RBFOX3: variants seen among roughly 807,000 people sequenced by gnomAD.
The protein encoded by RBFOX3 is RNA binding fox-1 homolog 3.
In RBFOX3, 17 loss-of-function variants were observed where a neutral mutation model predicts 48.7. The ratio of observed to expected loss-of-function variants is 0.35; its 90% confidence interval spans 0.24 to 0.52. The LOEUF is 0.52. RBFOX3 is among the 20% of genes least tolerant of loss of function. RBFOX3 has a pLI of 0.94. For missense variants in RBFOX3, 382 were observed against 497.5 expected (o/e 0.77, Z 2.21); for synonymous variants, 212 against 209.5 (o/e 1.01, Z -0.10).
chr17:79,431,486 A>AT (rs2068445241), intron 2 of RBFOX3, among the ~76,000 whole-genome samples: 1 of 28,912 alleles, frequency 3.5e-5, no homozygotes, highest in African/African-American at 9.6e-5. Flanking sequence ...ATGCCTGGCT[A>AT]ATTTTTTTTT....
At chr17:79,323,986 C>T (rs753645557) in intron 2 of RBFOX3, among the ~76,000 whole-genome samples, 5 of 152,222 alleles carry the variant, frequency 3.3e-5, no homozygotes, top group Admixed American at 1.3e-4. Flanking sequence ...TCAAGTGCTT[C>T]TGTGGTGTTG....
intron 3 of RBFOX3, among the ~76,000 whole-genome samples, chr17:79,300,624 G>C (rs2075156708): frequency 6.6e-6 from 1 of 152,196 alleles, no homozygotes; most frequent in South Asian, 2.1e-4. Flanking sequence ...GGACTGGCGT[G>C]TTCTTCTGGA....
chr17:79,601,615 T>C (rs887913569), intron 1 of RBFOX3: 8 of 152,246 alleles, frequency 5.3e-5, no homozygotes, highest in Non-Finnish European at 1.0e-4. Context: ...GAAATTTTCC[T>C]AGTCTGGTCT....
At chr17:79,447,089 A>C (rs1555738799) in intron 2 of RBFOX3, among the ~76,000 whole-genome samples, 1 of 152,240 alleles carries the variant, frequency 6.6e-6, no homozygotes, top group African/African-American at 2.4e-5. Context: ...ATATTATCTC[A>C]AAACAAGCTT....
At chr17:79,388,226 G>A (rs1337559019) in intron 2 of RBFOX3, among the ~76,000 whole-genome samples, 1 of 152,218 alleles carries the variant, frequency 6.6e-6, no homozygotes, top group Non-Finnish European at 1.5e-5. Flanking sequence ...TGCTCCATGG[G>A]CTGTGACTGG....
chr17:79,248,135 G>C (rs1224955749), intron 3 of RBFOX3, among the ~76,000 whole-genome samples: 1 of 152,212 alleles, frequency 6.6e-6, no homozygotes, highest in Non-Finnish European at 1.5e-5. Flanking sequence ...CTCTACCTCC[G>C]GGGCACAGGA....
the RBFOX3 span, among the ~76,000 whole-genome samples, chr17:79,634,919 G>A: frequency 6.6e-6 from 1 of 151,850 alleles, no homozygotes; most frequent in Admixed American, 6.6e-5. Flanking sequence ...AATTAGCCAG[G>A]TGTGGTGGCA....
chr17:79,534,675 G>A (rs559638616), intron 1 of RBFOX3, among the ~76,000 whole-genome samples: 30 of 152,182 alleles, frequency 2.0e-4, no homozygotes, highest in East Asian at 9.6e-4. Flanking sequence ...GGCCATTGCC[G>A]TGCCAGCCCC....
chr17:79,608,010 TGAGCCTCGG>T (rs1312122418), intron 1 of RBFOX3, among the ~76,000 whole-genome samples: 1 of 152,194 alleles, frequency 6.6e-6, no homozygotes, highest in African/African-American at 2.4e-5. Context: ...GGCTCTTGAA[TGAGCCTCGG>T]GAGCCCTCCC....
intron 14 of RBFOX3, among the ~76,000 whole-genome samples, chr17:79,091,687 C>T (rs1328686793): frequency 6.6e-6 from 1 of 152,188 alleles, no homozygotes; most frequent in Non-Finnish European, 1.5e-5. Flanking sequence ...GCTGAGGACC[C>T]CTCCTTCCGG....
At chr17:79,404,041 G>A (rs936044757) in intron 2 of RBFOX3, among the ~76,000 whole-genome samples, 10 of 152,192 alleles carry the variant, frequency 6.6e-5, no homozygotes, top group Non-Finnish European at 1.3e-4. Flanking sequence ...GCCTCCCAAA[G>A]TGCTGGGATT....
Position 79,443,975 on chromosome 17 carries a change from TC to T in RBFOX3, c.-175+38478del, listed in dbSNP as rs376770571. On this transcript the variant is annotated intron_variant, in intron 2 of 14. Coordinates refer to ENST00000693108, the MANE Select transcript of RBFOX3 (RefSeq NM_001350451.2). The surrounding 1 kb of genome is among the most constrained non-coding windows in gnomAD (Gnocchi z 4.4). The stretch of plus-strand genomic sequence containing the variant: ...ATGGTGCCTGAGACAGGCACTGCCA[TC>T]CCTCTTCCCATCTCCCAAAGGAGGA... 3.3e-5 allele frequency among the ~76,000 whole-genome samples: 5 copies of T among 152,130 alleles called. No homozygotes were observed. In the South Asian group the frequency reaches 6.2e-4, roughly 19 times the overall value.
chr17:79,309,348 AC>A (rs144248399), intron 2 of RBFOX3, among the ~76,000 whole-genome samples: 21,922 of 151,578 alleles, frequency 0.14, 1,740 homozygotes, highest in Non-Finnish European at 0.18. Flanking sequence ...TTCCTCTCCC[AC>A]CCCGTGGCTC....
chr17:79,466,163 C>G (rs1329184055), intron 2 of RBFOX3, among the ~76,000 whole-genome samples: 1 of 152,194 alleles, frequency 6.6e-6, no homozygotes, highest in Non-Finnish European at 1.5e-5. Flanking sequence ...GGGACAAGAT[C>G]TCTCCAGCAT....
intron 1 of RBFOX3, among the ~76,000 whole-genome samples, chr17:79,536,966 T>A (rs1382409405): frequency 6.6e-6 from 1 of 152,064 alleles, no homozygotes; most frequent in East Asian, 1.9e-4. Flanking sequence ...GCACCTGTAA[T>A]CCCAGCTACT....
chr17:79,581,111 G>A (rs1282811732), intron 1 of RBFOX3, among the ~76,000 whole-genome samples: 1 of 152,182 alleles, frequency 6.6e-6, no homozygotes, highest in African/African-American at 2.4e-5. Context: ...AGCCGGGCAT[G>A]GTGGCGGGCG....
chr17:79,132,407 C>T (rs146387814), intron 4 of RBFOX3, among the ~76,000 whole-genome samples: 58 of 152,328 alleles, frequency 3.8e-4, no homozygotes, highest in African/African-American at 1.2e-3. Context: ...ACGTCCCTGC[C>T]GTGGTCTGAG....
At chr17:79,572,139 C>A (rs1394045162) in intron 1 of RBFOX3, among the ~76,000 whole-genome samples, 4 of 152,146 alleles carry the variant, frequency 2.6e-5, no homozygotes, top group African/African-American at 4.8e-5. Flanking sequence ...CAGGGTCACA[C>A]AATTAGGGCA....
intron 1 of RBFOX3, among the ~76,000 whole-genome samples, chr17:79,590,199 G>A (rs2093376956): frequency 6.6e-6 from 1 of 152,204 alleles, no homozygotes; most frequent in African/African-American, 2.4e-5. Context: ...AGAACCCCAG[G>A]GGACAAGGCC....
Sources: allele counts gnomAD v4.1 joint callset (sites outside exome capture counted in the v4.1 genomes callset), GRCh38; gene constraint gnomAD v4.1.1; non-coding constraint Gnocchi (gnomAD v3.1); transcripts MANE v1.5; gene names NCBI Gene and HGNC (gene_info 2026-07-23, HGNC 2026-07-21).